The following CEP164 variants were observed in gnomAD, a reference collection of about 807,000 sequenced individuals.
CEP164 encodes centrosomal protein 164.
A neutral mutation model predicts 182.7 loss-of-function variants in CEP164; 162 were observed. The ratio of observed to expected loss-of-function variants is 0.89; its 90% CI spans 0.78 to 1.01. The LOEUF (loss-of-function observed/expected upper bound fraction) is 1.01. Among genes scored for constraint, CEP164 ranks in the 50% least tolerant of loss-of-function variants. The pLI is 0.00. For synonymous variants in CEP164, 661 were observed against 690.0 expected, an observed-to-expected ratio of 0.96 and a Z score of 0.66; for missense variants, 1,735 against 1,790.4, an observed-to-expected ratio of 0.97 and a Z score of 0.56.
In CEP164 at chr11:117,395,124, A is replaced by G. The variant is rs1382710479; in HGVS notation, c.2846A>G (p.Glu949Gly). 1.9e-6 allele frequency: 3 copies of G among 1,614,164 alleles called. No homozygotes were observed. The East Asian group carries it at 6.7e-5, about 36-fold the overall frequency. ...KARLALLEVQEETARREKQQL... is the reference protein window; with the variant it reads ...KARLALLEVQGETARREKQQL... ...AAAATCCTGTCTCTTCCCTGCAAGG[A>G]GGAGACCGCCCGGAGGGAGAAGCAG... The change falls in exon 23 of 33, where the codon GAG (glutamate) becomes GGG (glycine). Residue 949 changes from glutamate (E) to glycine (G), a missense_variant and splice_region_variant. Physicochemically the swap from Glu to Gly is moderately conservative, Grantham distance 98. Coordinates refer to ENST00000278935, the MANE Select transcript of CEP164 (RefSeq NM_014956.5).
chr11:117,345,629 G>A (rs2038777721), intron 4 of CEP164, among the ~76,000 whole-genome samples: 1 of 146,596 alleles, frequency 6.8e-6, no homozygotes, highest in Admixed American at 7.1e-5. Context: ...TCGCCTTACT[G>A]TCAGCTGAAG....
At chr11:117,324,572 C>T (rs1205128136), upstream of CEP164, among the ~76,000 whole-genome samples, 3 of 152,134 alleles carry the variant, frequency 2.0e-5, no homozygotes, top group African/African-American at 7.2e-5. Flanking sequence ...ATGGGGAAAC[C>T]TGATAAAATG....
chr11:117,356,034 C>T lies in CEP164; in HGVS notation c.393+4046C>T. 2 of 1,044,968 alleles carry T rather than the reference C, an allele frequency of 1.9e-6. 1 individual carries two copies. The highest frequency in any genetic ancestry group is 2.4e-6 in the Non-Finnish European group (2 of 844,646). 64.7% of individuals were successfully genotyped at this position (1,044,968 alleles called of 1,614,324 possible). On this transcript the variant is annotated intron_variant, in intron 5 of 32. Coordinates refer to ENST00000278935, the MANE Select transcript of CEP164 (RefSeq NM_014956.5). ...AGCAGCAGCAGCAACAGCAACCTGGCCTCACACCTGGGCTCTCCTGTCCTG... is the reference window on the plus strand; with the variant it reads ...AGCAGCAGCAGCAACAGCAACCTGGTCTCACACCTGGGCTCTCCTGTCCTG...
At chr11:117,388,876 C>T (rs1427522101) in intron 15 of CEP164, among the ~76,000 whole-genome samples, 1 of 151,894 alleles carries the variant, frequency 6.6e-6, no homozygotes, top group East Asian at 1.9e-4. Context: ...CGCCATTCTC[C>T]TGCCTCAGCC....
chr11:117,341,165 G>T (rs1010026088), intron 3 of CEP164, among the ~76,000 whole-genome samples: 1 of 152,156 alleles, frequency 6.6e-6, no homozygotes, highest in Admixed American at 6.5e-5. Flanking sequence ...ACATTTGGTT[G>T]CTGTTGTAAA....
chr11:117,356,016 G>GCAGCAA (rs2040253744), intron 5 of CEP164: 15 of 1,140,062 alleles, frequency 1.3e-5, no homozygotes, highest in Non-Finnish European at 1.6e-5. Context: ...AGCAGCAGCA[G>GCAGCAA]CAGCAACAGC....
rs759750376 is a variant in CEP164 at position 117,382,800 on chromosome 11, C to T, written c.1582C>T (p.Gln528Ter). The change falls in exon 14 of 33, where the codon CAG (glutamine) becomes TAG (stop). Residue 528 changes from glutamine to a stop codon, truncating the protein, a stop_gained. Transcript: ENST00000278935. LOFTEE classifies it high-confidence loss of function. Reference sequence around the variant, plus strand: ...TGTTTCCTTACTGCTATCAAGGGAGCAGGCCCCAAGCCCACCTGCTGCCTG... The same window carrying T: ...TGTTTCCTTACTGCTATCAAGGGAGTAGGCCCCAAGCCCACCTGCTGCCTG... ...LSLQLSLQRE[Q>*]APSPPAACEK... 2 of 1,613,890 alleles carry T rather than the reference C, an allele frequency of 1.2e-6. No individual in the cohort carries two copies. The highest frequency in any genetic ancestry group is 8.5e-7 in the Non-Finnish European group (1 of 1,179,916).
At chr11:117,348,088 GCTTCCCGA>G (rs1168282597) in intron 4 of CEP164, among the ~76,000 whole-genome samples, 5 of 152,010 alleles carry the variant, frequency 3.3e-5, no homozygotes, top group African/African-American at 1.2e-4. Context: ...TCCCACCTCA[GCTTCCCGA>G]GTAGCTGGGA....
At chr11:117,371,944 C>T (rs949461315) in intron 9 of CEP164, among the ~76,000 whole-genome samples, 1 of 151,542 alleles carries the variant, frequency 6.6e-6, no homozygotes, top group African/African-American at 2.4e-5. Context: ...TGCTTTTTGG[C>T]AGAGCATTAC....
chr11:117,411,818 A>C lies in CEP164; in HGVS notation c.4187A>C (p.His1396Pro), dbSNP rs1168361442. 1 of 1,613,802 alleles carries C rather than the reference A, an allele frequency of 6.2e-7. No homozygotes were observed. ...SASEQLRLLQ[H>P]SHSQVPEAGS... Reference sequence around the variant, plus strand: ...AGTGAGCAGCTCCGGCTCCTACAGCACTCCCATTCGCAAGTCCCTGAGGCG... The same window carrying C: ...AGTGAGCAGCTCCGGCTCCTACAGCCCTCCCATTCGCAAGTCCCTGAGGCG... The change falls in exon 32 of 33, where the codon CAC becomes CCC. Residue 1396 changes from histidine (H) to proline (P), a missense_variant. His to Pro is a moderately conservative substitution (Grantham distance 77, BLOSUM62 -2). Transcript: ENST00000278935. This position sits in a 1 kb window ranked among gnomAD's most constrained non-coding sequence, Gnocchi z 4.4.
In CEP164 at chr11:117,390,839, A is replaced by G. The variant is rs1473205938; in HGVS notation, c.1997A>G (p.Glu666Gly). 1 of 1,613,786 alleles carries G rather than the reference A, an allele frequency of 6.2e-7. No homozygotes were observed. The highest frequency in any genetic ancestry group is 8.5e-7 in the Non-Finnish European group (1 of 1,179,966). Residue 666 changes from glutamate (E) to glycine (G), a missense_variant, in exon 16 of 33, where the codon GAA becomes GGA. Glu to Gly is a moderately conservative substitution (Grantham distance 98, BLOSUM62 -2). Coordinates refer to ENST00000278935, the MANE Select transcript of CEP164 (RefSeq NM_014956.5). ...EEEEARMREE[E>G]SQRLSWLRAQ... is the part of the protein sequence containing the mutation. Reference sequence around the variant, plus strand: ...GAGGAGGCCCGGATGAGAGAGGAGGAAAGCCAGAGGCTATCCTGGCTCCGA... The same window carrying G: ...GAGGAGGCCCGGATGAGAGAGGAGGGAAGCCAGAGGCTATCCTGGCTCCGA...
chr11:117,394,239 G>T lies in CEP164; in HGVS notation c.2617-111G>T, dbSNP rs1191208809. The T allele has an allele frequency of 1.3e-5, 18 of 1,400,318 alleles. No individual in the cohort carries two copies. The highest frequency in any genetic ancestry group is 1.6e-5 in the Non-Finnish European group (17 of 1,030,878). The allele number at this position is 1,400,318 out of a possible 1,614,324, so 86.7% of individuals were successfully genotyped here. A position where few individuals can be genotyped will look rare whatever the true frequency, so the allele number is the denominator to read the frequency against. On this transcript the variant is annotated intron_variant, in intron 20 of 32. Transcript: ENST00000278935. The surrounding 1 kb of genome is among the most constrained non-coding windows in gnomAD (Gnocchi z 4.0). ...CTCCAAGAGCTGGCTTTAGGGAGCC[G>T]ATGGTGTCCCTGATCTTACTGATGC...
chr11:117,392,035 T>C (rs2044720211), intron 17 of CEP164, among the ~76,000 whole-genome samples, 191 bp from the exon 18 acceptor site: 2 of 152,226 alleles, frequency 1.3e-5, no homozygotes, highest in Admixed American at 1.3e-4. Flanking sequence ...GACCTTCATG[T>C]TCCTGTTCAT....
chr11:117,399,735 G>A (rs1045714295), intron 27 of CEP164, among the ~76,000 whole-genome samples: 1 of 151,920 alleles, frequency 6.6e-6, no homozygotes, highest in Non-Finnish European at 1.5e-5. Flanking sequence ...CTAATGACCA[G>A]TGATGATGAG....
intron 8 of CEP164, among the ~76,000 whole-genome samples, chr11:117,365,227 C>T (rs967885337): frequency 6.6e-6 from 1 of 152,224 alleles, no homozygotes; most frequent in East Asian, 1.9e-4. Flanking sequence ...CTGCCCTATT[C>T]ATTTCTGTAT....
At chr11:117,372,086 C>G (rs898391036) in intron 9 of CEP164, among the ~76,000 whole-genome samples, 3 of 149,740 alleles carry the variant, frequency 2.0e-5, no homozygotes, top group African/African-American at 7.4e-5. Flanking sequence ...AGTGATCTGC[C>G]CACCTCATCA....
intron 15 of CEP164, among the ~76,000 whole-genome samples, chr11:117,390,169 C>G (rs2044446178): frequency 6.6e-6 from 1 of 151,868 alleles, no homozygotes; most frequent in African/African-American, 2.4e-5. Flanking sequence ...TCTCGAACTC[C>G]TGACCTCAAG....
At chr11:117,323,100 C>T (rs970827071), upstream of CEP164, among the ~76,000 whole-genome samples, 3 of 151,964 alleles carry the variant, frequency 2.0e-5, no homozygotes, top group Non-Finnish European at 4.4e-5. Context: ...GGGGTTTCTC[C>T]ACGTTGGCCA....
intron 5 of CEP164, among the ~76,000 whole-genome samples, chr11:117,358,560 A>G (rs2040574446): frequency 9.3e-6 from 1 of 107,698 alleles, no homozygotes; most frequent in Non-Finnish European, 1.9e-5. Flanking sequence ...TTTTTTTTTA[A>G]GAGACCAGAG....
Sources: allele counts gnomAD v4.1 joint callset (sites outside exome capture counted in the v4.1 genomes callset), GRCh38; gene constraint gnomAD v4.1.1; non-coding constraint Gnocchi (gnomAD v3.1); transcripts MANE v1.5; gene names NCBI Gene and HGNC (gene_info 2026-07-23, HGNC 2026-07-21).